Variants in STK3 observed in about 807,000 individuals in gnomAD.
The protein encoded by STK3 is serine/threonine kinase 3.
STK3 carries 41 observed loss-of-function variants against 58.0 expected under a neutral mutation model. The ratio of observed to expected loss-of-function variants is 0.71; its 90% confidence interval spans 0.55 to 0.92. The LOEUF is 0.92. Among genes scored for constraint, STK3 ranks in the 40% least tolerant of loss-of-function variants. The pLI, the probability that STK3 is intolerant of heterozygous loss-of-function variation, is 0.00. For missense variants in STK3, 479 were observed against 602.7 expected, an observed-to-expected ratio of 0.79 and a Z score of 2.15; for synonymous variants, 170 against 191.0, an observed-to-expected ratio of 0.89 and a Z score of 0.91.
chr8:98,359,446 C>G, the STK3 span, among the ~76,000 whole-genome samples: 6 of 147,566 alleles, frequency 4.1e-5, no homozygotes, highest in African/African-American at 7.6e-5. Flanking sequence ...TCACTTGAAC[C>G]GGGGAGGCGG....
At chr8:98,530,107 T>G (rs1179536961) in intron 9 of STK3, among the ~76,000 whole-genome samples, 17 of 152,218 alleles carry the variant, frequency 1.1e-4, no homozygotes, top group Admixed American at 1.1e-3. Flanking sequence ...GGTTTCCCAG[T>G]GCACATAAAA....
intron 1 of STK3, among the ~76,000 whole-genome samples, chr8:98,447,515 G>C (rs553779557): frequency 6.7e-6 from 1 of 148,628 alleles, no homozygotes; most frequent in South Asian, 2.1e-4. Context: ...GACAAATATT[G>C]CATGTATTTG....
At chr8:98,879,658 C>T (rs1030513140), downstream of STK3, 8 of 152,070 alleles carry the variant, frequency 5.3e-5, no homozygotes, top group African/African-American at 1.9e-4. Context: ...TAAAGCCTGA[C>T]TTTTTCTTTT....
chr8:98,648,314 C>T (rs553193368), intron 6 of STK3, among the ~76,000 whole-genome samples: 17 of 152,178 alleles, frequency 1.1e-4, no homozygotes, highest in Non-Finnish European at 1.5e-4. Flanking sequence ...TTTTTAATGG[C>T]CGCATGTTAC....
chr8:98,388,674 T>A (rs1817817370), upstream of STK3, among the ~76,000 whole-genome samples: 4 of 152,214 alleles, frequency 2.6e-5, no homozygotes, highest in Admixed American at 1.3e-4. Context: ...AATCTAGAAA[T>A]TTTAAAAGCA....
chr8:98,418,454 G>A (rs953861323), intron 3 of STK3, among the ~76,000 whole-genome samples: 3 of 152,244 alleles, frequency 2.0e-5, no homozygotes, highest in African/African-American at 7.2e-5. Flanking sequence ...CATCCAGGGT[G>A]TGGGATAGGT....
intron 6 of STK3, among the ~76,000 whole-genome samples, chr8:98,626,491 G>A (rs1818726385): frequency 6.6e-6 from 1 of 152,128 alleles, no homozygotes; most frequent in Non-Finnish European, 1.5e-5. Flanking sequence ...CTGAATGACT[G>A]CAGCAGAGAC....
At chr8:98,597,823 GAAAA>G in intron 6 of STK3, 1 of 928,382 alleles carries the variant, frequency 1.1e-6, no homozygotes, top group Non-Finnish European at 1.3e-6. Context: ...AACTTGTGCA[GAAAA>G]AAAAAAAAAC....
chr8:98,842,254 G>A (rs923415845), intron 3 of STK3, among the ~76,000 whole-genome samples: 32 of 152,032 alleles, frequency 2.1e-4, no homozygotes, highest in African/African-American at 7.0e-4. Context: ...GTCTCAAAAG[G>A]ACCTTTTACA....
At chr8:98,873,659 A>G (rs1430027767) in intron 3 of STK3, among the ~76,000 whole-genome samples, 1 of 147,600 alleles carries the variant, frequency 6.8e-6, no homozygotes, top group East Asian at 1.9e-4. Context: ...CTAGGATTGC[A>G]ACCCCTGCTT....
At chr8:98,714,933 G>C (rs988429105) in intron 4 of STK3, among the ~76,000 whole-genome samples, 2 of 151,676 alleles carry the variant, frequency 1.3e-5, no homozygotes, top group African/African-American at 4.8e-5. Flanking sequence ...CCAAAACAGA[G>C]AAACAGACCA....
chr8:98,433,212 T>A (rs903031494), intron 3 of STK3, among the ~76,000 whole-genome samples: 1 of 152,152 alleles, frequency 6.6e-6, no homozygotes, highest in African/African-American at 2.4e-5. Flanking sequence ...CTTGTAACTC[T>A]TGTGAAACAG....
In STK3 at chr8:98,590,310, G is replaced by A. The variant is rs151184519; in HGVS notation, c.822+5722C>T. On this transcript the variant is annotated intron_variant, in intron 7 of 10. Coordinates refer to ENST00000419617, the MANE Select transcript of STK3 (RefSeq NM_006281.4). The stretch of plus-strand genomic sequence containing the variant: ...TTTCTGAGCCTCAATGTGCCCTGAT[G>A]CCGTTCCTTTCTTCCACCGTAAGAG... Among the ~76,000 whole-genome samples the A allele has an allele frequency of 6.5e-3, 988 of 152,262 alleles. 9 individuals carry two copies. The highest frequency in any genetic ancestry group is 0.023 in the African/African-American group (956 of 41,538).
chr8:98,438,499 G>A (rs1028940720), intron 1 of STK3: 6 of 152,182 alleles, frequency 3.9e-5, no homozygotes, highest in African/African-American at 1.4e-4. Context: ...CCATTGTTTC[G>A]CTGAGGGCAA....
chr8:98,411,612 G>A (rs1818058394), intron 3 of STK3, among the ~76,000 whole-genome samples: 1 of 152,210 alleles, frequency 6.6e-6, no homozygotes. Context: ...GATATCCACA[G>A]ACCACATTTA....
chr8:98,551,485 C>A (rs1405149585), intron 8 of STK3, among the ~76,000 whole-genome samples: 4 of 152,096 alleles, frequency 2.6e-5, no homozygotes, highest in Non-Finnish European at 2.9e-5. Flanking sequence ...CAAAAACCAA[C>A]CCTGACAAAT....
At chr8:98,447,217 T>G (rs772512195) in intron 1 of STK3, among the ~76,000 whole-genome samples, 2 of 152,028 alleles carry the variant, frequency 1.3e-5, no homozygotes, top group Non-Finnish European at 2.9e-5. Context: ...GTAACAAACC[T>G]TCACATGTGT....
chr8:98,672,333 G>A (rs931367734), intron 6 of STK3, among the ~76,000 whole-genome samples: 4 of 152,118 alleles, frequency 2.6e-5, no homozygotes, highest in Non-Finnish European at 4.4e-5. Context: ...AAAGAGCTAC[G>A]ATCCCGCCAC....
chr8:98,855,963 C>A (rs1469245610), intron 3 of STK3, among the ~76,000 whole-genome samples: 1 of 152,010 alleles, frequency 6.6e-6, no homozygotes, highest in South Asian at 2.1e-4. Flanking sequence ...TCGAGACCAG[C>A]CTGGCCAACG....
Sources: allele counts gnomAD v4.1 joint callset (sites outside exome capture counted in the v4.1 genomes callset), GRCh38; gene constraint gnomAD v4.1.1; transcripts MANE v1.5; gene names NCBI Gene and HGNC (gene_info 2026-07-23, HGNC 2026-07-21).